Variants in PCDH11X observed in about 807,000 individuals in gnomAD.
PCDH11X encodes protocadherin 11 X-linked.
Under a neutral mutation model 53.3 loss-of-function variants are expected in PCDH11X, and 18 were observed. The ratio of observed to expected loss-of-function variants is 0.34; its 90% CI spans 0.23 to 0.50. The LOEUF (loss-of-function observed/expected upper bound fraction) is 0.50, where lower values mean the gene tolerates loss of function less well. Among genes scored for constraint, PCDH11X ranks in the 20% least tolerant of loss-of-function variants. The pLI is 0.98. For missense variants in PCDH11X, 570 were observed against 1,032.4 expected (o/e 0.55, Z 6.14); for synonymous variants, 279 against 393.3 (o/e 0.71, Z 3.44).
rs767111020 is a variant in PCDH11X, at chrX:92,050,030, C to T, written c.3034-151345C>T. On this transcript the variant is annotated intron_variant, in intron 6 of 10. Coordinates refer to ENST00000682573, the MANE Select transcript of PCDH11X (RefSeq NM_032968.5). ...CCTCAGGTGATCTGCCCGCCTCGGC[C>T]TCCCAAGGTGCTGGGATTACAGGCA... Among the ~76,000 whole-genome samples, 3 of 112,301 alleles carry T rather than the reference C, an allele frequency of 2.7e-5. No homozygotes were observed. In the South Asian group the frequency reaches 1.1e-3, roughly 41 times the overall value.
At chrX:92,200,730 A>G (rs2148321665) in intron 6 of PCDH11X, among the ~76,000 whole-genome samples, 1 of 111,758 alleles carries the variant, frequency 8.9e-6, no homozygotes, top group Non-Finnish European at 1.9e-5. Context: ...GCAAATAGCA[A>G]ATTTGTGTTG....
intron 9 of PCDH11X, among the ~76,000 whole-genome samples, chrX:92,427,159 A>G (rs1445340255): frequency 9.0e-6 from 1 of 111,177 alleles, no homozygotes; most frequent in Non-Finnish European, 1.9e-5. Flanking sequence ...GAAAGTTGAG[A>G]AAGGAGAATT....
chrX:92,087,617 G>C (rs2063980557), intron 6 of PCDH11X, among the ~76,000 whole-genome samples: 1 of 111,338 alleles, frequency 9.0e-6, no homozygotes, highest in South Asian at 3.7e-4. Context: ...ACCATTGTCT[G>C]TGTCCAGTTG....
At chrX:92,559,077 A>G (rs1432339738) in intron 10 of PCDH11X, among the ~76,000 whole-genome samples, 1 of 111,250 alleles carries the variant, frequency 9.0e-6, no homozygotes, top group Non-Finnish European at 1.9e-5. Context: ...ATTGATTCAA[A>G]ATAACAAGCA....
chrX:92,126,540 C>T (rs1242985796), intron 6 of PCDH11X, among the ~76,000 whole-genome samples: 1 of 110,231 alleles, frequency 9.1e-6, no homozygotes, highest in East Asian at 2.8e-4. Context: ...ACCTGGGAAG[C>T]AGAGGTTGCA....
chrX:92,287,160 T>A (rs1311217687), intron 8 of PCDH11X, among the ~76,000 whole-genome samples: 1 of 111,601 alleles, frequency 9.0e-6, no homozygotes, highest in Non-Finnish European at 1.9e-5. Flanking sequence ...TTTCTCTTAT[T>A]TATTTTATAT....
At chrX:92,462,975 A>G (rs941735593) in intron 9 of PCDH11X, among the ~76,000 whole-genome samples, 5 of 111,268 alleles carry the variant, frequency 4.5e-5, no homozygotes, top group African/African-American at 6.5e-5. Context: ...GTGATCATAT[A>G]TAAATTTTTC....
At chrX:91,832,036 AC>A (rs1937125804) in intron 4 of PCDH11X, among the ~76,000 whole-genome samples, 1 of 110,487 alleles carries the variant, frequency 9.1e-6, no homozygotes, top group African/African-American at 3.3e-5. Context: ...GTTATGAAAC[AC>A]ATTTTAAAAT....
chrX:92,574,519 A>G (rs1267175991), intron 10 of PCDH11X, among the ~76,000 whole-genome samples: 2 of 109,109 alleles, frequency 1.8e-5, no homozygotes, highest in East Asian at 2.8e-4. Context: ...ATGCTTATAT[A>G]TCTCCCAATA....
At chrX:92,023,535 C>CA (rs35562536) in intron 6 of PCDH11X, among the ~76,000 whole-genome samples, 3 of 109,682 alleles carry the variant, frequency 2.7e-5, no homozygotes, top group African/African-American at 3.3e-5. Flanking sequence ...GCCTACCAAC[C>CA]AAAAAAAAGC....
rs776948987 is a variant in PCDH11X at position 91,999,168 on chromosome X, A to C, written c.3033+119895A>C. On this transcript the variant is annotated intron_variant, in intron 6 of 10. Transcript: ENST00000682573. ...GGGCTCAAGTGATCCTCCTGCCTCA[A>C]CCTTCCAAAGTGCTGGGATTACAGA... Among the ~76,000 whole-genome samples the C allele has an allele frequency of 5.4e-5, 6 of 110,742 alleles. No individual in the cohort carries two copies. In the South Asian group the frequency reaches 2.3e-3, roughly 42 times the overall value.
chrX:92,080,544 T>C (rs1242196506), intron 6 of PCDH11X, among the ~76,000 whole-genome samples: 1 of 110,979 alleles, frequency 9.0e-6, no homozygotes, highest in Non-Finnish European at 1.9e-5. Flanking sequence ...AGTTGGGAAT[T>C]TTACCAGGAG....
chrX:92,448,339 T>G (rs1182626280), intron 9 of PCDH11X, among the ~76,000 whole-genome samples: 1 of 98,654 alleles, frequency 1.0e-5, no homozygotes, highest in Non-Finnish European at 2.0e-5. Flanking sequence ...CCATATGTTG[T>G]GGGGGGAACC....
intron 8 of PCDH11X, among the ~76,000 whole-genome samples, chrX:92,351,091 GTTTAC>G (rs1005423852): frequency 7.1e-5 from 8 of 112,054 alleles, no homozygotes; most frequent in Admixed American, 5.7e-4. Context: ...TCAGTATGAT[GTTTAC>G]TTTACTGCGA....
intron 6 of PCDH11X, among the ~76,000 whole-genome samples, chrX:91,970,559 G>T (rs1455251129): frequency 9.0e-6 from 1 of 111,005 alleles, no homozygotes; most frequent in Non-Finnish European, 1.9e-5. Context: ...AGACAGAAAA[G>T]TTCTCCAAGT....
intron 8 of PCDH11X, among the ~76,000 whole-genome samples, chrX:92,347,877 T>A (rs1322042753): frequency 8.9e-6 from 1 of 111,977 alleles, no homozygotes; most frequent in Admixed American, 9.5e-5. Flanking sequence ...GTAGCATAAT[T>A]TTGCAATTTA....
At chrX:92,269,274 AC>A (rs773100522) in intron 8 of PCDH11X, among the ~76,000 whole-genome samples, 18 of 111,662 alleles carry the variant, frequency 1.6e-4, no homozygotes, top group African/African-American at 5.5e-4. Flanking sequence ...ACTGTAGATT[AC>A]CCTTGTAGAA....
At chrX:91,823,334 C>T (rs1936771791) in intron 4 of PCDH11X, among the ~76,000 whole-genome samples, 2 of 110,588 alleles carry the variant, frequency 1.8e-5, no homozygotes, top group Non-Finnish European at 3.8e-5. Context: ...TCACTCAGGA[C>T]TTGCTTTATG....
intron 10 of PCDH11X, among the ~76,000 whole-genome samples, chrX:92,516,700 G>A (rs1388478528): frequency 1.8e-5 from 2 of 111,713 alleles, no homozygotes; most frequent in African/African-American, 6.5e-5. Context: ...ATTTATAGAG[G>A]TAATCAATCT....
Sources: gnomAD v4.1 joint callset for allele counts (sites outside exome capture counted in the v4.1 genomes callset) on GRCh38, gnomAD v4.1.1 for gene constraint, MANE v1.5 for transcripts, NCBI Gene and HGNC (gene_info 2026-07-23, HGNC 2026-07-21) for gene names.